Variants in SGCZ observed in about 807,000 individuals in gnomAD.
The protein encoded by SGCZ is sarcoglycan zeta.
SGCZ carries 40 observed loss-of-function variants against 41.3 expected under a neutral mutation model. That is an observed-to-expected ratio of 0.97 (90% confidence interval 0.75 to 1.26). SGCZ has a LOEUF of 1.26. Among genes scored for constraint, SGCZ ranks in the 50% most tolerant of loss-of-function variants. The probability of loss-of-function intolerance (pLI) is 0.00; values close to 1 mark genes in which losing one functional copy is unlikely to be tolerated. For synonymous variants in SGCZ, 206 were observed against 137.5 expected (o/e 1.50, Z -3.49); for missense variants, 552 against 369.8 (o/e 1.49, Z -4.04).
intron 3 of SGCZ, among the ~76,000 whole-genome samples, chr8:14,303,629 G>C (rs997944687): frequency 6.6e-6 from 1 of 152,060 alleles, no homozygotes; most frequent in African/African-American, 2.4e-5. Flanking sequence ...TTCCAGCAAA[G>C]CCTAATTCTT....
chr8:14,431,794 A>C (rs549152818), intron 2 of SGCZ, among the ~76,000 whole-genome samples: 1 of 152,154 alleles, frequency 6.6e-6, no homozygotes, highest in African/African-American at 2.4e-5. Context: ...CTGACAATGG[A>C]CTAATATCCA....
At chr8:15,024,378 T>A (rs1424261553) in intron 1 of SGCZ, among the ~76,000 whole-genome samples, 2 of 152,216 alleles carry the variant, frequency 1.3e-5, no homozygotes, top group East Asian at 3.9e-4. Context: ...TGTAAATTTT[T>A]ATTCTGCAAA....
At chr8:15,119,383 A>G (rs1420214337) in intron 1 of SGCZ, among the ~76,000 whole-genome samples, 1 of 151,928 alleles carries the variant, frequency 6.6e-6, no homozygotes, top group Non-Finnish European at 1.5e-5. Flanking sequence ...TACAAAAATT[A>G]GCTGAGCATG....
chr8:14,641,956 C>T (rs1392701961), intron 1 of SGCZ, among the ~76,000 whole-genome samples: 1 of 151,688 alleles, frequency 6.6e-6, no homozygotes, highest in African/African-American at 2.4e-5. Flanking sequence ...AAGCTACTTA[C>T]TTCCTGAACA....
chr8:14,751,310 T>C (rs921916615), intron 1 of SGCZ, among the ~76,000 whole-genome samples: 1 of 152,292 alleles, frequency 6.6e-6, no homozygotes, highest in African/African-American at 2.4e-5. Flanking sequence ...ATGCAGCCAC[T>C]ACACACTTAG....
intron 1 of SGCZ, among the ~76,000 whole-genome samples, chr8:15,146,721 C>T (rs997016800): frequency 2.6e-5 from 4 of 152,068 alleles, no homozygotes; most frequent in African/African-American, 9.7e-5. Context: ...AATACCTGTA[C>T]TATTTTTTTA....
At chr8:14,891,383 G>C (rs556256611) in intron 1 of SGCZ, among the ~76,000 whole-genome samples, 1 of 152,310 alleles carries the variant, frequency 6.6e-6, no homozygotes, top group African/African-American at 2.4e-5. Context: ...AGAGGTTCAA[G>C]ACTTCAGTGG....
chr8:14,783,234 G>C (rs1171934605), intron 1 of SGCZ, among the ~76,000 whole-genome samples: 1 of 152,154 alleles, frequency 6.6e-6, no homozygotes, highest in East Asian at 1.9e-4. Context: ...AGGAGTTCAA[G>C]ACAAGCCTGG....
chr8:15,022,381 G>C (rs1022754113), intron 1 of SGCZ, among the ~76,000 whole-genome samples: 3 of 151,744 alleles, frequency 2.0e-5, no homozygotes, highest in African/African-American at 7.3e-5. Flanking sequence ...GTCTTGCTCT[G>C]TCACCACACT....
At chr8:14,922,476 T>A (rs1034528037) in intron 1 of SGCZ, among the ~76,000 whole-genome samples, 1 of 152,136 alleles carries the variant, frequency 6.6e-6, no homozygotes, top group African/African-American at 2.4e-5. Context: ...TTTTTTGAGA[T>A]GGAGTTTCGC....
intron 5 of SGCZ, among the ~76,000 whole-genome samples, chr8:14,115,448 A>C (rs1346658781): frequency 2.0e-5 from 3 of 152,104 alleles, no homozygotes; most frequent in South Asian, 2.1e-4. Flanking sequence ...CATTTTTAAA[A>C]ATTTTATTAA....
At chr8:15,218,787 C>CA (rs1430390882) in intron 1 of SGCZ, among the ~76,000 whole-genome samples, 1 of 152,204 alleles carries the variant, frequency 6.6e-6, no homozygotes, top group Non-Finnish European at 1.5e-5. Flanking sequence ...ACTGTACCCA[C>CA]ATAACTATCC....
intron 1 of SGCZ, among the ~76,000 whole-genome samples, chr8:15,082,550 A>T (rs1209331034): frequency 6.6e-6 from 1 of 152,152 alleles, no homozygotes; most frequent in Non-Finnish European, 1.5e-5. Context: ...TGCAAAGGTC[A>T]GAAAGACTGA....
chr8:15,151,143 C>T (rs1048384397), intron 1 of SGCZ, among the ~76,000 whole-genome samples: 12 of 152,318 alleles, frequency 7.9e-5, no homozygotes, highest in Middle Eastern at 6.8e-3. Context: ...AGGACTACTG[C>T]GGTACGCCAA....
At chr8:14,840,177 A>T (rs1802852093) in intron 1 of SGCZ, among the ~76,000 whole-genome samples, 1 of 152,124 alleles carries the variant, frequency 6.6e-6, no homozygotes, top group South Asian at 2.1e-4. Context: ...AAAGTCAAGG[A>T]AAGACAATTC....
At chr8:14,318,860 A>C (rs543541549) in intron 3 of SGCZ, among the ~76,000 whole-genome samples, 29 of 152,108 alleles carry the variant, frequency 1.9e-4, no homozygotes, top group African/African-American at 5.5e-4. Context: ...TAATAAAACC[A>C]AACTCATAGA....
At chr8:14,829,615 C>T (rs1319635691) in intron 1 of SGCZ, among the ~76,000 whole-genome samples, 2 of 152,046 alleles carry the variant, frequency 1.3e-5, no homozygotes, top group Non-Finnish European at 2.9e-5. Context: ...AGATAATTTC[C>T]AATTTTCTGC....
At chr8:14,552,242 A>T (rs1234159297) in intron 2 of SGCZ, among the ~76,000 whole-genome samples, 3 of 152,094 alleles carry the variant, frequency 2.0e-5, no homozygotes, top group Non-Finnish European at 4.4e-5. Flanking sequence ...CTTCAAGTAT[A>T]TACAACATAA....
intron 1 of SGCZ, among the ~76,000 whole-genome samples, chr8:15,156,609 C>A (rs1228241565): frequency 6.6e-6 from 1 of 152,168 alleles, no homozygotes; most frequent in Non-Finnish European, 1.5e-5. Context: ...AAAGACATTT[C>A]CTCAAAGCTC....
Sources: allele counts gnomAD v4.1 joint callset (sites outside exome capture counted in the v4.1 genomes callset), GRCh38; gene constraint gnomAD v4.1.1; transcripts MANE v1.5; gene names NCBI Gene and HGNC (gene_info 2026-07-23, HGNC 2026-07-21).